CNTN5: variants seen among roughly 807,000 people sequenced by gnomAD.
CNTN5 encodes contactin-5.
CNTN5 carries 77 observed loss-of-function variants against 129.1 expected under a neutral mutation model. The observed-to-expected ratio is 0.60, with a 90% CI of 0.50 to 0.72. The LOEUF (loss-of-function observed/expected upper bound fraction) is 0.72, where lower values mean the gene tolerates loss of function less well. CNTN5 is among the 30% of genes least tolerant of loss of function. CNTN5 has a pLI of 0.00. For missense variants in CNTN5, 1,478 were observed against 1,328.8 expected, an observed-to-expected ratio of 1.11 and a Z score of -1.75; for synonymous variants, 509 against 465.6, an observed-to-expected ratio of 1.09 and a Z score of -1.20.
chr11:99,570,211 T>C (rs983647507), intron 3 of CNTN5, among the ~76,000 whole-genome samples: 7 of 151,980 alleles, frequency 4.6e-5, no homozygotes, highest in African/African-American at 1.4e-4. Flanking sequence ...AATTCAGAGA[T>C]GTACTGGCTC....
chr11:99,048,695 G>A (rs551231179), intron 1 of CNTN5, among the ~76,000 whole-genome samples: 6 of 152,094 alleles, frequency 3.9e-5, no homozygotes, highest in African/African-American at 1.4e-4. Context: ...GTTTGGCAAA[G>A]CCAGTTTCTG....
At chr11:99,127,082 C>T (rs1231737080) in intron 1 of CNTN5, among the ~76,000 whole-genome samples, 1 of 152,108 alleles carries the variant, frequency 6.6e-6, no homozygotes, top group Non-Finnish European at 1.5e-5. Flanking sequence ...AGCTTCAGAA[C>T]TCAATAGTTC....
intron 2 of CNTN5, among the ~76,000 whole-genome samples, chr11:99,375,114 C>A (rs1475556319): frequency 6.6e-6 from 1 of 151,880 alleles, no homozygotes; most frequent in African/African-American, 2.4e-5. Flanking sequence ...ACCAGCCTGG[C>A]CAACATGGTG....
In CNTN5 at chr11:99,098,476, G is replaced by A. The variant is rs112007386; in HGVS notation, c.-210+77206G>A. Among the ~76,000 whole-genome samples the A allele has an allele frequency of 7.9e-3, 1,197 of 152,112 alleles. 10 individuals carry two copies. The highest frequency in any genetic ancestry group is 0.013 in the Non-Finnish European group (874 of 67,948). On this transcript the variant is annotated intron_variant, in intron 1 of 24. Transcript: ENST00000524871. ...TGGCTGAAAAAGCAGAAGACTTTATGATAAGGTCACCTACACCACAGGGGA... is the reference window on the plus strand; with the variant it reads ...TGGCTGAAAAAGCAGAAGACTTTATAATAAGGTCACCTACACCACAGGGGA...
At chr11:100,253,927 T>C (rs1396715333) in intron 16 of CNTN5, among the ~76,000 whole-genome samples, 1 of 152,144 alleles carries the variant, frequency 6.6e-6, no homozygotes, top group Non-Finnish European at 1.5e-5. Flanking sequence ...CCTACTCTTA[T>C]ATTTTCCTCC....
rs940893171 is a variant in CNTN5 at position 99,688,586 on chromosome 11, T to A, written c.56-130958T>A. ...TGGAAATTTTTTTTTCCACAGTGTT[T>A]TTTAACTTTTTATTATTATTTTGTC... On this transcript the variant is annotated intron_variant, in intron 3 of 24. Transcript: ENST00000524871. Among the ~76,000 whole-genome samples the A allele has an allele frequency of 2.6e-5, 4 of 152,120 alleles. No individual in the cohort carries two copies. In the South Asian group the frequency reaches 8.3e-4, roughly 32 times the overall value.
chr11:99,516,930 T>A (rs1286372145), intron 2 of CNTN5, among the ~76,000 whole-genome samples: 1 of 152,132 alleles, frequency 6.6e-6, no homozygotes, highest in African/African-American at 2.4e-5. Flanking sequence ...GTTTAAACAA[T>A]GAAAAATGAA....
chr11:99,412,021 G>C (rs931419880), intron 2 of CNTN5, among the ~76,000 whole-genome samples: 1 of 152,030 alleles, frequency 6.6e-6, no homozygotes, highest in African/African-American at 2.4e-5. Flanking sequence ...AAGCATACCA[G>C]AATAAAAATA....
At chr11:99,144,885 T>C (rs535689931) in intron 1 of CNTN5, among the ~76,000 whole-genome samples, 1 of 152,080 alleles carries the variant, frequency 6.6e-6, no homozygotes, top group Admixed American at 6.6e-5. Context: ...CTATTTTGAA[T>C]TCCTTTCCAG....
chr11:99,678,954 A>ACTCTCTCT (rs201157895), intron 3 of CNTN5, among the ~76,000 whole-genome samples: 3 of 147,534 alleles, frequency 2.0e-5, no homozygotes, highest in African/African-American at 7.4e-5. Context: ...TCTGCTATTC[A>ACTCTCTCT]CTCTCTCTCT....
chr11:99,751,655 T>C (rs1437445951), intron 3 of CNTN5, among the ~76,000 whole-genome samples: 1 of 152,214 alleles, frequency 6.6e-6, no homozygotes, highest in African/African-American at 2.4e-5. Flanking sequence ...GACATGTTAT[T>C]TGCTCTGTAA....
rs185973271 is a variant in CNTN5 at position 99,465,494 on chromosome 11, C to T, written c.-70-90651C>T. 1.9e-3 allele frequency among the ~76,000 whole-genome samples: 288 copies of T among 150,222 alleles called. 2 individuals carry two copies. Among genetic ancestry groups the T allele is most frequent in the African/African-American group, 6.9e-3 (275 of 39,832 alleles). ...TTATAGTTTCTATAATGTATTATAA[C>T]ATCATTTCTAGAATTTAGACAATAT... On this transcript the variant is annotated intron_variant, in intron 2 of 24. Transcript: ENST00000524871.
intron 1 of CNTN5, among the ~76,000 whole-genome samples, chr11:99,031,797 G>A (rs897025035): frequency 1.3e-5 from 2 of 150,618 alleles, no homozygotes; most frequent in African/African-American, 4.9e-5. Flanking sequence ...TTAAGTTTTA[G>A]GGTACATGTG....
intron 1 of CNTN5, among the ~76,000 whole-genome samples, chr11:99,040,691 C>T (rs1464339919): frequency 6.6e-6 from 1 of 152,002 alleles, no homozygotes; most frequent in Non-Finnish European, 1.5e-5. Context: ...TGACATCAAC[C>T]CATTTTTAAA....
At chr11:99,484,323 A>G (rs10893399) in intron 2 of CNTN5, among the ~76,000 whole-genome samples, 42,297 of 152,072 alleles carry the variant, frequency 0.28, 6,116 homozygotes, top group Admixed American at 0.37. Context: ...CAAAACCACA[A>G]TGAGGTATCA....
chr11:99,612,251 T>G (rs934806292), intron 3 of CNTN5, among the ~76,000 whole-genome samples: 1 of 152,166 alleles, frequency 6.6e-6, no homozygotes, highest in East Asian at 1.9e-4. Flanking sequence ...ATCTCAAGAC[T>G]GATGTAATTT....
At position 99,022,629 on chromosome 11, in the gene CNTN5, G is replaced by T. The variant is rs185448602; in HGVS notation, c.-210+1359G>T. Among the ~76,000 whole-genome samples, 563 of 151,888 alleles carry T rather than the reference G, an allele frequency of 3.7e-3. 4 individuals are homozygous for T. Among genetic ancestry groups the T allele is most frequent in the African/African-American group, 0.013 (532 of 41,436 alleles). On this transcript the variant is annotated intron_variant, in intron 1 of 24. Coordinates refer to ENST00000524871, the MANE Select transcript of CNTN5 (RefSeq NM_014361.4). ...TAAGAATATGTCATATAAAACTAAT[G>T]ATAACAAATTAAAGATATTACATAA...
At chr11:99,575,376 A>G (rs1384840199) in intron 3 of CNTN5, among the ~76,000 whole-genome samples, 1 of 152,148 alleles carries the variant, frequency 6.6e-6, no homozygotes, top group African/African-American at 2.4e-5. Flanking sequence ...GATTTTCTTT[A>G]CCTCGGAATA....
At position 100,299,364 on chromosome 11, in the gene CNTN5, G is replaced by C. The variant is rs954444966; in HGVS notation, c.2588G>C (p.Ser863Thr). ...VYNNKGDGPF[S>T]QIVVICSAEG... is the part of the protein sequence containing the mutation. ...AACAATAAAGGAGATGGGCCTTTTA[G>C]TCAAATTGTGGTCATCTGTTCAGCT... Residue 863 changes from serine to threonine, a missense_variant, in exon 20 of 25, where the codon AGT becomes ACT. By Grantham distance (58) the Ser-to-Thr change is moderately conservative. Transcript: ENST00000524871. 6.2e-7 allele frequency: 1 copy of C among 1,608,970 alleles called. No homozygotes were observed. Among genetic ancestry groups the C allele is most frequent in the Admixed American group, 1.7e-5 (1 of 59,684 alleles).
Sources: allele counts gnomAD v4.1 joint callset (sites outside exome capture counted in the v4.1 genomes callset), GRCh38; gene constraint gnomAD v4.1.1; transcripts MANE v1.5; gene names NCBI Gene and HGNC (gene_info 2026-07-23, HGNC 2026-07-21).